HDGFL3: variants seen among roughly 807,000 people sequenced by gnomAD.
HDGFL3 encodes the protein hepatoma-derived growth factor-related protein 3.
In HDGFL3, 6 loss-of-function variants were observed where a neutral mutation model predicts 27.6. The observed-to-expected ratio is 0.22, with a 90% CI of 0.12 to 0.43. The LOEUF is 0.43. Among genes scored for constraint, HDGFL3 ranks in the 20% least tolerant of loss-of-function variants. The probability of loss-of-function intolerance (pLI) is 1.00; values close to 1 mark genes in which losing one functional copy is unlikely to be tolerated. For synonymous variants in HDGFL3, 88 were observed against 88.9 expected (o/e 0.99, Z 0.05); for missense variants, 207 against 250.1 (o/e 0.83, Z 1.16).
chr15:83,144,640 T>C, intron 5 of HDGFL3: 1 of 410,730 alleles, frequency 2.4e-6, no homozygotes. Flanking sequence ...CGTGAGGAGC[T>C]GAATCCTGCC....
At position 83,136,342 on chromosome 15, in the gene HDGFL3, G is replaced by T. The variant is rs2036604397; in HGVS notation, c.*2928C>A. 5.3e-6 allele frequency: 3 copies of T among 562,442 alleles called. No individual in the cohort carries two copies. Among genetic ancestry groups the T allele is most frequent in the Non-Finnish European group, 9.0e-6 (3 of 332,104 alleles). The allele number at this position is 562,442 out of a possible 1,614,324, so 34.8% of individuals were successfully genotyped here. A position where few individuals can be genotyped will look rare whatever the true frequency, so the allele number is the denominator to read the frequency against. ...ACTCTGACATTAAAGACTCTGGATTGTTTGAAGGTATTTTGCCTGCAGGTG... is the reference window on the plus strand; with the variant it reads ...ACTCTGACATTAAAGACTCTGGATTTTTTGAAGGTATTTTGCCTGCAGGTG... On this transcript the variant is annotated 3_prime_UTR_variant, in exon 6 of 6. Transcript: ENST00000299633.
At chr15:83,121,026 T>C (rs1260670141) in intron 3 of HDGFL3, among the ~76,000 whole-genome samples, 1 of 152,160 alleles carries the variant, frequency 6.6e-6, no homozygotes, top group African/African-American at 2.4e-5. Context: ...TCATAGCCTG[T>C]TACATAGTGT....
chr15:83,198,743 T>G (rs979482422), intron 1 of HDGFL3, among the ~76,000 whole-genome samples: 3 of 152,136 alleles, frequency 2.0e-5, no homozygotes, highest in African/African-American at 7.2e-5. Flanking sequence ...GAAACTTGCT[T>G]TATAACTCAC....
chr15:83,176,557 A>G (rs1340080573), intron 1 of HDGFL3, among the ~76,000 whole-genome samples: 1 of 152,088 alleles, frequency 6.6e-6, no homozygotes, highest in Non-Finnish European at 1.5e-5. Flanking sequence ...TTTTCCATAG[A>G]AAACTTATTA....
At chr15:83,191,591 TTAAC>T (rs1339360425) in intron 1 of HDGFL3, among the ~76,000 whole-genome samples, 10 of 152,326 alleles carry the variant, frequency 6.6e-5, no homozygotes, top group South Asian at 2.1e-4. Flanking sequence ...GTTTAAGACT[TTAAC>T]TAAAGTATGT....
rs187583254 is a variant in HDGFL3, at chr15:83,146,382, T to G, written c.606+4833A>C. On this transcript the variant is annotated intron_variant, in intron 5 of 5. Coordinates refer to ENST00000299633, the MANE Select transcript of HDGFL3 (RefSeq NM_016073.4). The stretch of plus-strand genomic sequence containing the variant: ...TGCTCGTACAATGAAGAATTAAGTG[T>G]CCCACTGGAAATACTAGTAGCACCT... 2.1e-4 allele frequency among the ~76,000 whole-genome samples: 32 copies of G among 152,300 alleles called. 1 individual carries two copies. The East Asian group carries it at 2.3e-3, about 11-fold the overall frequency.
intron 1 of HDGFL3, among the ~76,000 whole-genome samples, chr15:83,192,889 T>C (rs766321947): frequency 1.3e-5 from 2 of 152,242 alleles, no homozygotes; most frequent in East Asian, 1.9e-4. Flanking sequence ...TTCTAACCAA[T>C]TGCCTCATTT....
intron 3 of HDGFL3, chr15:83,121,837 C>A: frequency 9.9e-7 from 1 of 1,008,412 alleles, no homozygotes; most frequent in Non-Finnish European, 1.5e-6. Flanking sequence ...AGTTTGAATA[C>A]AAAATAATAT....
At chr15:83,172,589 A>G (rs1339055464) in intron 1 of HDGFL3, among the ~76,000 whole-genome samples, 4 of 152,066 alleles carry the variant, frequency 2.6e-5, no homozygotes, top group Non-Finnish European at 4.4e-5. Flanking sequence ...TGTAATCCCA[A>G]CACTTTGGGA....
intron 1 of HDGFL3, among the ~76,000 whole-genome samples, chr15:83,185,677 A>T (rs2037433654): frequency 6.6e-6 from 1 of 152,204 alleles, no homozygotes; most frequent in Non-Finnish European, 1.5e-5. Context: ...TTGAGAAGTG[A>T]AGATGAGATA....
exon 4 of HDGFL3, chr15:83,114,121 T>C (rs1463926708): frequency 6.5e-6 from 1 of 153,028 alleles, no homozygotes; most frequent in Non-Finnish European, 1.5e-5. Flanking sequence ...CTCTGACCCT[T>C]GCACACCTTT....
chr15:83,207,284 G>A lies in HDGFL3; in HGVS notation c.84+47C>T, dbSNP rs556246060. On this transcript the variant is annotated intron_variant, in intron 1 of 5. Coordinates refer to ENST00000299633, the MANE Select transcript of HDGFL3 (RefSeq NM_016073.4). This position sits in a 1 kb window ranked among gnomAD's most constrained non-coding sequence, Gnocchi z 4.8. ...AAGGGGGCGGGCGCGCCATCATGAA[G>A]GGGAAAATGGTGGGCGGGCGGGCCC... 209 of 1,252,256 alleles carry A rather than the reference G, an allele frequency of 1.7e-4. No individual in the cohort carries two copies. Among genetic ancestry groups the A allele is most frequent in the Middle Eastern group, 1.4e-3 (5 of 3,468 alleles). The allele number at this position is 1,252,256 out of a possible 1,614,324, so 77.6% of individuals were successfully genotyped here.
At chr15:83,190,127 T>C (rs892046436) in intron 1 of HDGFL3, among the ~76,000 whole-genome samples, 12 of 151,126 alleles carry the variant, frequency 7.9e-5, no homozygotes, top group African/African-American at 2.4e-4. Flanking sequence ...GGTAAGAGGA[T>C]TGCTTGAGCT....
chr15:83,127,485 G>T, downstream of HDGFL3: 1 of 1,612,594 alleles, frequency 6.2e-7, no homozygotes, highest in African/African-American at 1.3e-5. Context: ...CAGGTACTAA[G>T]AATATTCTGT....
rs2036356165 is a variant in HDGFL3, at chr15:83,132,969, G to A, written c.*6301C>T. The A allele has an allele frequency of 6.6e-6, 1 of 152,128 alleles. No homozygotes were observed. Among genetic ancestry groups the A allele is most frequent in the Non-Finnish European group, 1.5e-5 (1 of 68,026 alleles). 9.4% of individuals were successfully genotyped at this position (152,128 alleles called of 1,614,324 possible). ...CAAAGGGCCCAGATTTTCTACAGTC[G>A]AGCACCAGATCATGAATGGGTATTT... On this transcript the variant is annotated 3_prime_UTR_variant, in exon 6 of 6. Coordinates refer to ENST00000299633, the MANE Select transcript of HDGFL3 (RefSeq NM_016073.4).
intron 1 of HDGFL3, chr15:83,189,636 T>C (rs1387913146): frequency 1.3e-5 from 2 of 152,154 alleles, no homozygotes; most frequent in Non-Finnish European, 2.9e-5. Flanking sequence ...TACTAATTCA[T>C]ATCTCCCCCT....
chr15:83,167,638 G>A (rs954033621), intron 1 of HDGFL3, among the ~76,000 whole-genome samples: 10 of 151,212 alleles, frequency 6.6e-5, no homozygotes, highest in Middle Eastern at 3.2e-3. Context: ...TTAACCATTC[G>A]AAATATGTAC....
At position 83,129,552 on chromosome 15, in the gene HDGFL3, A is replaced by G. The variant is rs531264952; in HGVS notation, c.*9718T>C. 4.7e-4 allele frequency: 71 copies of G among 152,348 alleles called. No homozygotes were observed. The highest frequency in any genetic ancestry group is 1.6e-3 in the African/African-American group (68 of 41,580). 9.4% of individuals were successfully genotyped at this position (152,348 alleles called of 1,614,324 possible). A position where few individuals can be genotyped will look rare whatever the true frequency, so the allele number is the denominator to read the frequency against. On this transcript the variant is annotated 3_prime_UTR_variant, in exon 6 of 6. Transcript: ENST00000299633. ...TCAGTCCACCTGAAATTATTTGCCT[A>G]AGATTACAGTTATTAAATGGCAGAA...
At chr15:83,124,719 T>C (rs2035574834), downstream of HDGFL3, 1 of 1,614,170 alleles carries the variant, frequency 6.2e-7, no homozygotes, top group East Asian at 2.2e-5. Context: ...GACCATTTGA[T>C]TTAATGTTGG....
Sources: allele counts gnomAD v4.1 joint callset (sites outside exome capture counted in the v4.1 genomes callset), GRCh38; gene constraint gnomAD v4.1.1; non-coding constraint Gnocchi (gnomAD v3.1); transcripts MANE v1.5; gene names NCBI Gene and HGNC (gene_info 2026-07-23, HGNC 2026-07-21).